The following ZNF518A variants were observed in gnomAD, a reference collection of about 807,000 sequenced individuals.
ZNF518A encodes zinc finger protein 518A, also known as zinc finger protein 518.
ZNF518A carries 47 observed loss-of-function variants against 102.7 expected under a neutral mutation model. That is an observed-to-expected ratio of 0.46 (90% CI 0.36 to 0.58). The LOEUF (loss-of-function observed/expected upper bound fraction) is 0.58. Ranked by LOEUF, ZNF518A falls within the 20% of genes least tolerant of loss-of-function variation. The probability of loss-of-function intolerance (pLI) is 0.00; values close to 1 mark genes in which losing one functional copy is unlikely to be tolerated. For synonymous variants in ZNF518A, 652 were observed against 594.6 expected (o/e 1.10, Z -1.40); for missense variants, 1,793 against 1,699.8 (o/e 1.05, Z -0.96).
In ZNF518A at chr10:96,159,568, A is replaced by G. The variant is rs2082894099; in HGVS notation, c.3246A>G (p.Val1082=). Residue 1082 remains valine (V), a synonymous_variant, in exon 6 of 6, where the codon GTA becomes GTG. Transcript: ENST00000316045. ...CTAAGTTGAATATCTCCGATTCAGTAAAACAGCAGAATGAGATTTTTCCAA... is the reference window on the plus strand; with the variant it reads ...CTAAGTTGAATATCTCCGATTCAGTGAAACAGCAGAATGAGATTTTTCCAA... The part of the protein sequence containing the change: ...QSTKLNISDS[V]KQQNEIFPKP... The G allele has an allele frequency of 1.9e-6, 3 of 1,613,802 alleles. No homozygotes were observed. The highest frequency in any genetic ancestry group is 1.3e-5 in the African/African-American group (1 of 74,936).
At position 96,160,005 on chromosome 10, in the gene ZNF518A, C is replaced by T. The variant is rs782653503; in HGVS notation, c.3683C>T (p.Ser1228Leu). ...GAACCAATATGTGTCAGTGACTGTT[C>T]AGAGTCCAGGGTATTAAGGTGTAAA... ...SEEPICVSDC[S>L]ESRVLRCKTN... is the part of the protein sequence containing the mutation. The change falls in exon 6 of 6, where the codon TCA (serine) becomes TTA (leucine). Residue 1228 changes from serine (S) to leucine (L), a missense_variant. Physicochemically the swap from Ser to Leu is moderately radical, Grantham distance 145. Around this residue, in one of 3 missense-constraint regions of ZNF518A, gnomAD observed 1,741 missense variants for 1,622.6 expected, o/e 1.07. Coordinates refer to ENST00000316045, the MANE Select transcript of ZNF518A (RefSeq NM_001330736.2). The T allele has an allele frequency of 2.5e-6, 4 of 1,613,474 alleles. No homozygotes were observed. The highest frequency in any genetic ancestry group is 1.7e-5 in the Admixed American group (1 of 59,984).
In ZNF518A at chr10:96,157,506, C is replaced by T; in HGVS notation, c.1184C>T (p.Pro395Leu). The T allele has an allele frequency of 6.2e-7, 1 of 1,613,808 alleles. No homozygotes were observed. The highest frequency in any genetic ancestry group is 8.5e-7 in the Non-Finnish European group (1 of 1,179,766). The change falls in exon 6 of 6, where the codon CCT becomes CTT. Residue 395 changes from proline to leucine, a missense_variant. By Grantham distance (98) the Pro-to-Leu change is moderately conservative. Coordinates refer to ENST00000316045, the MANE Select transcript of ZNF518A (RefSeq NM_001330736.2). ...APESESEKPT[P>L]LSTGQGNRAE... is the part of the protein sequence containing the mutation. ...GAATCAGAGTCAGAGAAGCCAACTC[C>T]TCTGTCCACTGGGCAAGGTAATAGA...
At chr10:96,204,309 G>A, downstream of ZNF518A, 1 of 701,944 alleles carries the variant, frequency 1.4e-6, no homozygotes, top group South Asian at 1.8e-5. Flanking sequence ...CTAAAGTATT[G>A]TATTTTAGTC....
At chr10:96,201,004 G>A (rs1412711023) in intron 1 of ZNF518A, 2 of 1,614,018 alleles carry the variant, frequency 1.2e-6, no homozygotes, top group Admixed American at 1.7e-5. Flanking sequence ...AGTGGAATTA[G>A]ATGAAAAGCT....
At chr10:96,196,307 G>C (rs1554894662) in intron 1 of ZNF518A, among the ~76,000 whole-genome samples, 1 of 152,196 alleles carries the variant, frequency 6.6e-6, no homozygotes, top group South Asian at 2.1e-4. Context: ...CATATTTCAG[G>C]GTTCATTTAT....
downstream of ZNF518A, among the ~76,000 whole-genome samples, chr10:96,165,298 G>A (rs1437298300): frequency 1.3e-5 from 2 of 152,016 alleles, no homozygotes; most frequent in Non-Finnish European, 2.9e-5. Flanking sequence ...AGTAGCGATG[G>A]GGTTTCACCA....
intron 1 of ZNF518A, among the ~76,000 whole-genome samples, chr10:96,187,260 C>T (rs1287799873): frequency 3.3e-5 from 5 of 152,138 alleles, no homozygotes; most frequent in Non-Finnish European, 7.4e-5. Context: ...GGTTAGGGGA[C>T]TAGGAGGTAA....
intron 1 of ZNF518A, among the ~76,000 whole-genome samples, chr10:96,171,839 A>G (rs1437501366): frequency 6.6e-6 from 1 of 152,094 alleles, no homozygotes; most frequent in African/African-American, 2.4e-5. Flanking sequence ...GGATAAATGC[A>G]AAGAGATTCA....
Position 96,157,204 on chromosome 10 carries a change from A to G in ZNF518A, c.882A>G (p.Lys294=). ...LHKEHLYAKE[K]LEKDKYEKRM... Reference sequence around the variant, plus strand: ...AAGAACATTTATATGCAAAAGAAAAACTGGAAAAAGACAAATATGAAAAAA... The same window carrying G: ...AAGAACATTTATATGCAAAAGAAAAGCTGGAAAAAGACAAATATGAAAAAA... The change falls in exon 6 of 6, where the codon AAA becomes AAG. Residue 294 remains lysine, a synonymous_variant. Transcript: ENST00000316045. 1 of 1,610,260 alleles carries G rather than the reference A, an allele frequency of 6.2e-7. No homozygotes were observed. The highest frequency in any genetic ancestry group is 8.5e-7 in the Non-Finnish European group (1 of 1,178,478).
intron 1 of ZNF518A, chr10:96,199,594 T>C: frequency 2.2e-6 from 1 of 451,008 alleles, no homozygotes; most frequent in Admixed American, 2.4e-5. Flanking sequence ...GAGGAGGGGA[T>C]AGCAGTTTCT....
intron 1 of ZNF518A, among the ~76,000 whole-genome samples, chr10:96,183,519 G>A (rs782001825): frequency 8.5e-5 from 13 of 152,128 alleles, no homozygotes; most frequent in Non-Finnish European, 1.8e-4. Flanking sequence ...TTGTGTCTTT[G>A]TTCTCATTCA....
downstream of ZNF518A, chr10:96,204,417 AAT>A: frequency 8.3e-7 from 1 of 1,204,080 alleles, no homozygotes; most frequent in Admixed American, 1.7e-5. Context: ...AAAACAATGA[AAT>A]GTTGGATTTT....
Position 96,156,724 on chromosome 10 carries a change from T to A in ZNF518A, c.402T>A (p.Asp134Glu). 6.2e-7 allele frequency: 1 copy of A among 1,613,920 alleles called. No homozygotes were observed. Among genetic ancestry groups the A allele is most frequent in the Non-Finnish European group, 8.5e-7 (1 of 1,179,810 alleles). ...CRDNTRYSPNDLQKHFQMWHH... is the reference protein window; with the variant it reads ...CRDNTRYSPNELQKHFQMWHH... Reference sequence around the variant, plus strand: ...ACAACACTCGATATAGCCCAAATGATTTGCAGAAACACTTTCAAATGTGGC... The same window carrying A: ...ACAACACTCGATATAGCCCAAATGAATTGCAGAAACACTTTCAAATGTGGC... The change falls in exon 6 of 6, where the codon GAT becomes GAA. Residue 134 changes from aspartate to glutamate, a missense_variant. Physicochemically the swap from Asp to Glu is conservative, Grantham distance 45. This residue lies in a region of ZNF518A where 1,741 missense variants were observed against 1,622.6 expected (regional missense o/e 1.07). Coordinates refer to ENST00000316045, the MANE Select transcript of ZNF518A (RefSeq NM_001330736.2).
At chr10:96,149,650 C>T (rs2082336780) in intron 3 of ZNF518A, among the ~76,000 whole-genome samples, 1 of 152,186 alleles carries the variant, frequency 6.6e-6, no homozygotes, top group Admixed American at 6.5e-5. Flanking sequence ...TCCTAGCTTT[C>T]CCAGCTGTCT....
chr10:96,192,228 G>A, intron 1 of ZNF518A: 1 of 1,236,432 alleles, frequency 8.1e-7, no homozygotes, highest in Non-Finnish European at 1.1e-6. Flanking sequence ...AAAAAATCTA[G>A]TTTAACAAAG....
At position 96,158,555 on chromosome 10, in the gene ZNF518A, A is replaced by C; in HGVS notation, c.2233A>C (p.Thr745Pro). Residue 745 changes from threonine (T) to proline (P), a missense_variant, in exon 6 of 6, where the codon ACT (threonine) becomes CCT (proline). Thr to Pro is a conservative substitution (Grantham distance 38). This residue lies in a region of ZNF518A where 1,741 missense variants were observed against 1,622.6 expected (regional missense o/e 1.07). Transcript: ENST00000316045. Reference protein sequence around the residue: ...SNENQNLECATEKSKWEDFSN... With the variant: ...SNENQNLECAPEKSKWEDFSN... ...TGAAAATCAAAATTTAGAGTGTGCGACTGAAAAATCTAAATGGGAAGACTT... is the reference window on the plus strand; with the variant it reads ...TGAAAATCAAAATTTAGAGTGTGCGCCTGAAAAATCTAAATGGGAAGACTT... The C allele has an allele frequency of 6.2e-7, 1 of 1,613,138 alleles. No homozygotes were observed.
chr10:96,149,256 T>C (rs2082318859), intron 3 of ZNF518A, among the ~76,000 whole-genome samples: 1 of 152,200 alleles, frequency 6.6e-6, no homozygotes, highest in Non-Finnish European at 1.5e-5. Flanking sequence ...CAGCAGACCA[T>C]AGTTTAAGGA....
At chr10:96,189,403 G>T (rs781883804) in intron 1 of ZNF518A, 5 of 593,030 alleles carry the variant, frequency 8.4e-6, no homozygotes, top group Admixed American at 5.7e-5. Flanking sequence ...ATAGTCTCCT[G>T]GTCAGTTGTC....
At chr10:96,203,935 G>A (rs1591302944) in exon 3 of ZNF518A, 2 of 735,958 alleles carry the variant, frequency 2.7e-6, no homozygotes, top group Non-Finnish European at 4.8e-6. Context: ...GAAACAAGTG[G>A]GAGAAGATGC....
Sources: gnomAD v4.1 joint callset for allele counts (sites outside exome capture counted in the v4.1 genomes callset) on GRCh38, gnomAD v4.1.1 for gene constraint, gnomAD v4.1.1 regional missense constraint, MANE v1.5 for transcripts, NCBI Gene and HGNC (gene_info 2026-07-23, HGNC 2026-07-21) for gene names.